ACYP2: variants seen among roughly 807,000 people sequenced by gnomAD.
ACYP2 encodes the protein acylphosphatase 2, also known as acylphosphatase-2.
A neutral mutation model predicts 11.2 loss-of-function variants in ACYP2; 12 were observed. The observed-to-expected ratio is 1.08, with a 90% confidence interval of 0.69 to 1.74. The LOEUF is 1.74. Among genes scored for constraint, ACYP2 ranks in the 40% most tolerant of loss-of-function variants. The pLI is 0.00. For synonymous variants in ACYP2, 43 were observed against 32.2 expected, an observed-to-expected ratio of 1.33 and a Z score of -1.13; for missense variants, 134 against 101.9, an observed-to-expected ratio of 1.31 and a Z score of -1.35.
intron 4 of ACYP2, among the ~76,000 whole-genome samples, chr2:54,118,395 C>G (rs193039519): frequency 2.0e-5 from 3 of 152,280 alleles, no homozygotes; most frequent in African/African-American, 7.2e-5. Context: ...TATGGGTGTT[C>G]TTTGTGCTGA....
At chr2:54,227,465 C>T (rs190703851) in intron 6 of ACYP2, among the ~76,000 whole-genome samples, 1 of 152,000 alleles carries the variant, frequency 6.6e-6, no homozygotes, top group African/African-American at 2.4e-5. Context: ...ATGGTGAAAG[C>T]CCGTCTCTAC....
intron 2 of ACYP2, among the ~76,000 whole-genome samples, chr2:54,029,003 T>C (rs918140167): frequency 4.6e-5 from 7 of 151,962 alleles, no homozygotes; most frequent in Non-Finnish European, 1.0e-4. Context: ...ACAAAATATA[T>C]ATATTTTAAA....
At chr2:54,267,646 T>C (rs897706733) in intron 6 of ACYP2, among the ~76,000 whole-genome samples, 17 of 152,232 alleles carry the variant, frequency 1.1e-4, no homozygotes, top group Non-Finnish European at 1.6e-4. Flanking sequence ...TATGGCTTGC[T>C]TTCTTTATCT....
chr2:53,996,977 G>A (rs1399702259), intron 2 of ACYP2, among the ~76,000 whole-genome samples: 2 of 152,098 alleles, frequency 1.3e-5, no homozygotes, highest in African/African-American at 2.4e-5. Context: ...GATACTCAAG[G>A]CTGACACACG....
chr2:53,995,895 G>C (rs1672550217), intron 2 of ACYP2, among the ~76,000 whole-genome samples: 1 of 152,136 alleles, frequency 6.6e-6, no homozygotes, highest in East Asian at 1.9e-4. Context: ...CACGTGGGGA[G>C]GCCGAGGCGG....
chr2:54,244,884 T>C (rs1434827069), intron 6 of ACYP2, among the ~76,000 whole-genome samples: 1 of 152,212 alleles, frequency 6.6e-6, no homozygotes, highest in African/African-American at 2.4e-5. Context: ...AATTTCTTTG[T>C]ATTGGAAAAA....
intron 2 of ACYP2, among the ~76,000 whole-genome samples, chr2:54,039,049 C>G (rs13387686): frequency 6.6e-6 from 1 of 151,778 alleles, no homozygotes; most frequent in African/African-American, 2.4e-5. Context: ...CCTGAGGTGT[C>G]TGGAATGTTC....
At chr2:54,099,424 G>A (rs1019639541) in intron 4 of ACYP2, among the ~76,000 whole-genome samples, 5 of 152,004 alleles carry the variant, frequency 3.3e-5, no homozygotes, top group Admixed American at 6.6e-5. Context: ...TTTGACCAGC[G>A]TCTCCCCAGT....
chr2:54,076,395 A>G (rs1269721216), intron 4 of ACYP2, among the ~76,000 whole-genome samples: 8 of 152,216 alleles, frequency 5.3e-5, no homozygotes. Context: ...TAGATTGCAG[A>G]ATGGTGGCTT....
At chr2:54,249,578 T>C (rs1558641978) in intron 6 of ACYP2, among the ~76,000 whole-genome samples, 1 of 152,062 alleles carries the variant, frequency 6.6e-6, no homozygotes. Flanking sequence ...CAGAACCTTG[T>C]GGAAAACTTA....
chr2:54,013,014 G>A (rs527913835), intron 2 of ACYP2, among the ~76,000 whole-genome samples: 1 of 152,108 alleles, frequency 6.6e-6, no homozygotes, highest in South Asian at 2.1e-4. Flanking sequence ...CTCAAGACGT[G>A]CACTGTCGTT....
intron 6 of ACYP2, chr2:54,255,938 G>A: frequency 1.9e-6 from 3 of 1,614,090 alleles, no homozygotes; most frequent in South Asian, 1.1e-5. Flanking sequence ...ACCAAGATGT[G>A]GAAAGTATGG....
chr2:54,205,793 T>C (rs116680195), intron 6 of ACYP2, among the ~76,000 whole-genome samples: 2,767 of 152,318 alleles, frequency 0.018, 70 homozygotes, highest in African/African-American at 0.064. Context: ...TACACAGATT[T>C]ACCAGAGTGT....
At chr2:53,993,190 A>C (rs1185012906) in intron 2 of ACYP2, among the ~76,000 whole-genome samples, 1 of 152,134 alleles carries the variant, frequency 6.6e-6, no homozygotes. Flanking sequence ...TGGGCGACAG[A>C]GGTTGACAAG....
At chr2:54,081,361 A>G (rs1406998189) in intron 4 of ACYP2, among the ~76,000 whole-genome samples, 1 of 152,218 alleles carries the variant, frequency 6.6e-6, no homozygotes, top group East Asian at 1.9e-4. Context: ...TGCACCTCTA[A>G]TAGGATGGCC....
chr2:54,088,339 G>A (rs947843471), intron 4 of ACYP2, among the ~76,000 whole-genome samples: 2 of 152,052 alleles, frequency 1.3e-5, no homozygotes. Flanking sequence ...GAAGCAGGAG[G>A]CAAGCTGGAT....
intron 6 of ACYP2, among the ~76,000 whole-genome samples, chr2:54,153,471 T>TTTC (rs1380124114): frequency 1.3e-5 from 2 of 151,432 alleles, no homozygotes; most frequent in Non-Finnish European, 2.9e-5. Context: ...TTTTTTTTTT[T>TTTC]TTTTCATGTG....
At chr2:53,988,995 G>T (rs1005539472) in intron 2 of ACYP2, among the ~76,000 whole-genome samples, 1 of 152,084 alleles carries the variant, frequency 6.6e-6, no homozygotes, top group Non-Finnish European at 1.5e-5. Context: ...GTGAACTTCT[G>T]CCTCGGCCTC....
intron 2 of ACYP2, among the ~76,000 whole-genome samples, chr2:54,008,703 A>G (rs1300674736): frequency 1.3e-5 from 2 of 152,162 alleles, no homozygotes; most frequent in South Asian, 2.1e-4. Context: ...GGGTTTTGCC[A>G]TGTTGCCCAG....
Sources: allele counts gnomAD v4.1 joint callset (sites outside exome capture counted in the v4.1 genomes callset), GRCh38; gene constraint gnomAD v4.1.1; transcripts MANE v1.5; gene names NCBI Gene and HGNC (gene_info 2026-07-23, HGNC 2026-07-21).